AIG1: variants seen among roughly 807,000 people sequenced by gnomAD.
AIG1 encodes androgen-induced gene 1 protein.
A neutral mutation model predicts 31.4 loss-of-function variants in AIG1; 23 were observed. That is an observed-to-expected ratio of 0.73 (90% CI 0.53 to 1.04). The LOEUF (loss-of-function observed/expected upper bound fraction) is 1.04. Ranked by LOEUF, AIG1 falls within the 50% of genes least tolerant of loss-of-function variation. AIG1 has a pLI of 0.00. For missense variants in AIG1, 274 were observed against 295.0 expected (o/e 0.93, Z 0.52); for synonymous variants, 100 against 110.5 (o/e 0.90, Z 0.60).
intron 4 of AIG1, among the ~76,000 whole-genome samples, chr6:143,316,708 GA>G (rs1247883461): frequency 2.0e-5 from 3 of 151,814 alleles, no homozygotes; most frequent in Non-Finnish European, 4.4e-5. Flanking sequence ...AAAGATAAAT[GA>G]AACAAAAAGC....
chr6:143,328,302 G>A lies in AIG1; in HGVS notation c.516-4980G>A, dbSNP rs1037700807. 6.6e-6 allele frequency among the ~76,000 whole-genome samples: 1 copy of A among 152,170 alleles called. No homozygotes were observed. Among genetic ancestry groups the A allele is most frequent in the South Asian group, 2.1e-4 (1 of 4,826 alleles). Reference sequence around the variant, plus strand: ...TGGAGAAGTTTGCTTTTGAAGAGGAGAGACTTGAGTAGTACTTGTGAAGTA... The same window carrying A: ...TGGAGAAGTTTGCTTTTGAAGAGGAAAGACTTGAGTAGTACTTGTGAAGTA... On this transcript the variant is annotated intron_variant, in intron 4 of 5. Transcript: ENST00000357847. The surrounding 1 kb of genome is among the most constrained non-coding windows in gnomAD (Gnocchi z 4.0).
intron 3 of AIG1, among the ~76,000 whole-genome samples, chr6:143,236,379 A>G (rs751982972): frequency 2.0e-5 from 3 of 152,190 alleles, no homozygotes; most frequent in Non-Finnish European, 4.4e-5. Context: ...GTTGTTCTGG[A>G]GTCAGGAGTT....
At chr6:143,154,207 GT>G (rs112310904) in intron 2 of AIG1, among the ~76,000 whole-genome samples, 3,312 of 151,776 alleles carry the variant, frequency 0.022, 85 homozygotes, top group African/African-American at 0.059. Flanking sequence ...CTAAAGATAT[GT>G]TTTTTTTCAT....
chr6:143,069,847 AG>A (rs1777089182), intron 1 of AIG1, among the ~76,000 whole-genome samples: 1 of 152,172 alleles, frequency 6.6e-6, no homozygotes, highest in African/African-American at 2.4e-5. Context: ...ACCTCCTAGA[AG>A]TTTTAAAGTT....
At chr6:143,161,715 T>C (rs1238807854) in intron 2 of AIG1, among the ~76,000 whole-genome samples, 1 of 151,880 alleles carries the variant, frequency 6.6e-6, no homozygotes, top group Non-Finnish European at 1.5e-5. Context: ...AACAAAACCA[T>C]CTGAAAAAAT....
At chr6:143,097,805 C>G (rs1287696749) in intron 1 of AIG1, among the ~76,000 whole-genome samples, 2 of 152,192 alleles carry the variant, frequency 1.3e-5, no homozygotes, top group African/African-American at 4.8e-5. Flanking sequence ...GAAGCTTCTA[C>G]ATTCTCCCAT....
chr6:143,176,235 G>T (rs955502889), intron 3 of AIG1, among the ~76,000 whole-genome samples: 2 of 152,180 alleles, frequency 1.3e-5, no homozygotes, highest in East Asian at 3.9e-4. Context: ...ACTCCATGAG[G>T]GTTCTTGGCT....
intron 3 of AIG1, among the ~76,000 whole-genome samples, chr6:143,209,025 A>T (rs1367636782): frequency 6.6e-6 from 1 of 152,050 alleles, no homozygotes; most frequent in Admixed American, 6.6e-5. Context: ...TTGCCTCTGG[A>T]GCCTGATGTA....
At chr6:143,067,967 C>T (rs1373990626) in intron 1 of AIG1, among the ~76,000 whole-genome samples, 1 of 152,092 alleles carries the variant, frequency 6.6e-6, no homozygotes. Flanking sequence ...GAGAATAATG[C>T]TTTGCATAGA....
At chr6:143,321,147 T>C (rs972722686) in intron 4 of AIG1, among the ~76,000 whole-genome samples, 3 of 152,084 alleles carry the variant, frequency 2.0e-5, no homozygotes, top group Non-Finnish European at 4.4e-5. Context: ...TAAATGTTTG[T>C]ATCACCAAAA....
chr6:143,342,472 G>T, downstream of AIG1: 1 of 783,978 alleles, frequency 1.3e-6, no homozygotes, highest in East Asian at 2.4e-5. Context: ...GCATACAAGA[G>T]AAGTGCTTTG....
At chr6:143,142,088 T>A (rs992665989) in intron 2 of AIG1, among the ~76,000 whole-genome samples, 3 of 152,092 alleles carry the variant, frequency 2.0e-5, no homozygotes, top group African/African-American at 7.2e-5. Context: ...CTGTCTTTGT[T>A]TTATAGAGGC....
chr6:143,183,187 G>A (rs1421790353), intron 3 of AIG1, among the ~76,000 whole-genome samples: 2 of 150,162 alleles, frequency 1.3e-5, no homozygotes, highest in Non-Finnish European at 2.9e-5. Context: ...GGAAATAATC[G>A]GACAATGGCT....
intron 1 of AIG1, among the ~76,000 whole-genome samples, chr6:143,067,819 T>G (rs191009400): frequency 6.6e-6 from 1 of 152,276 alleles, no homozygotes. Flanking sequence ...TGTTTTTTGT[T>G]TTTTGGGGTT....
At chr6:143,198,920 T>A (rs1287336568) in intron 3 of AIG1, among the ~76,000 whole-genome samples, 2 of 152,154 alleles carry the variant, frequency 1.3e-5, no homozygotes, top group Non-Finnish European at 2.9e-5. Context: ...GTGGGACAAA[T>A]AGCAGCCTTT....
At chr6:143,189,560 G>T in intron 3 of AIG1, 1 of 985,254 alleles carries the variant, frequency 1.0e-6, no homozygotes, top group Non-Finnish European at 1.2e-6. Flanking sequence ...GCCTGTATTT[G>T]GTAAGTTTGC....
intron 4 of AIG1, among the ~76,000 whole-genome samples, chr6:143,285,710 G>A (rs1257656128): frequency 6.6e-6 from 1 of 151,972 alleles, no homozygotes; most frequent in Non-Finnish European, 1.5e-5. Context: ...AAGACCACTT[G>A]CAAGGACTAG....
chr6:143,110,031 G>C (rs948546673), intron 1 of AIG1, among the ~76,000 whole-genome samples: 1 of 152,118 alleles, frequency 6.6e-6, no homozygotes, highest in Non-Finnish European at 1.5e-5. Flanking sequence ...GTCTGTCTGG[G>C]AGTAATTTTT....
intron 1 of AIG1, among the ~76,000 whole-genome samples, chr6:143,129,431 G>A (rs1783021904): frequency 6.6e-6 from 1 of 152,186 alleles, no homozygotes; most frequent in South Asian, 2.1e-4. Context: ...TCCCAAGTAG[G>A]GGAGAACCAG....
Sources: gnomAD v4.1 joint callset for allele counts (sites outside exome capture counted in the v4.1 genomes callset) on GRCh38, gnomAD v4.1.1 for gene constraint, Gnocchi (gnomAD v3.1) non-coding constraint, MANE v1.5 for transcripts, NCBI Gene and HGNC (gene_info 2026-07-23, HGNC 2026-07-21) for gene names.